The following TCHP variants were observed in gnomAD, a reference collection of about 807,000 sequenced individuals.
TCHP encodes trichoplein keratin filament binding, also known as trichoplein keratin filament-binding protein.
TCHP carries 81 observed loss-of-function variants against 88.7 expected under a neutral mutation model. The ratio of observed to expected loss-of-function variants is 0.91; its 90% confidence interval spans 0.76 to 1.10. The LOEUF (loss-of-function observed/expected upper bound fraction) is 1.10. Among genes scored for constraint, TCHP ranks in the 50% least tolerant of loss-of-function variants. The probability of loss-of-function intolerance (pLI) is 0.00; values close to 1 mark genes in which losing one functional copy is unlikely to be tolerated. For missense variants in TCHP, 641 were observed against 632.1 expected, an observed-to-expected ratio of 1.01 and a Z score of -0.15; for synonymous variants, 232 against 232.5, an observed-to-expected ratio of 1.00 and a Z score of 0.02.
At chr12:109,913,151 C>A in intron 10 of TCHP, 79 bp downstream of exon 10, 1 of 1,331,614 alleles carries the variant, frequency 7.5e-7, no homozygotes, top group Non-Finnish European at 1.1e-6. Flanking sequence ...GTCACCCTGC[C>A]AGATGCTCTG....
rs756715538 is a variant in TCHP, at chr12:109,915,480, G to T, written c.1398G>T (p.Glu466Asp). 1.9e-6 allele frequency: 3 copies of T among 1,614,110 alleles called. No individual in the cohort carries two copies. Among genetic ancestry groups the T allele is most frequent in the Non-Finnish European group, 2.5e-6 (3 of 1,179,988 alleles). Residue 466 changes from glutamate (E) to aspartate (D), a missense_variant, in exon 12 of 13, where the codon GAG becomes GAT. Transcript: ENST00000405876. ...EEEEEEARRV[E>D]QLSDALLQQE... Reference sequence around the variant, plus strand: ...AAGAGGAGGAGGCCCGGCGGGTCGAGCAGCTCTCAGATGCCCTGCTGCAGC... The same window carrying T: ...AAGAGGAGGAGGCCCGGCGGGTCGATCAGCTCTCAGATGCCCTGCTGCAGC...
intron 10 of TCHP, 69 bp from the exon 11 acceptor site, chr12:109,914,373 C>T: frequency 6.9e-7 from 1 of 1,459,680 alleles, no homozygotes; most frequent in East Asian, 2.3e-5. Context: ...GCAGCCTGTC[C>T]AAGGCTTGTA....
intron 11 of TCHP, chr12:109,915,034 G>A (rs1164878573): frequency 5.0e-5 from 21 of 423,534 alleles, no homozygotes; most frequent in East Asian, 3.1e-4. Flanking sequence ...TACACGCCAC[G>A]CATACAGCCT....
the TCHP span, among the ~76,000 whole-genome samples, chr12:109,881,913 C>G: frequency 6.6e-6 from 1 of 151,376 alleles, no homozygotes; most frequent in South Asian, 2.1e-4. Context: ...TCCTTCCCAC[C>G]CCTCCCCCAC....
intron 5 of TCHP, among the ~76,000 whole-genome samples, chr12:109,907,301 C>T (rs1241381526): frequency 6.6e-6 from 1 of 152,228 alleles, no homozygotes; most frequent in Non-Finnish European, 1.5e-5. Flanking sequence ...CACCTCTGTG[C>T]ACTGGTCGCT....
Position 109,903,923 on chromosome 12 carries a change from C to T in TCHP, c.189-14C>T, listed in dbSNP as rs1230512539. ...TGTAGCATGATTGATTCAGGCAGGC[C>T]CCCTCTCACCCAGCATGCATGCCTA... On this transcript the variant is annotated splice_polypyrimidine_tract_variant and intron_variant, in intron 2 of 12. Transcript: ENST00000405876. This position sits in a 1 kb window ranked among gnomAD's most constrained non-coding sequence, Gnocchi z 4.6. 6 of 1,591,176 alleles carry T rather than the reference C, an allele frequency of 3.8e-6. No individual in the cohort carries two copies. In the East Asian group the frequency reaches 9.0e-5, roughly 24 times the overall value.
the TCHP span, among the ~76,000 whole-genome samples, chr12:109,893,703 T>C: frequency 1.3e-5 from 2 of 152,122 alleles, no homozygotes; most frequent in Admixed American, 1.3e-4. Flanking sequence ...GGGTGAGCAT[T>C]GAGTTCAGGT....
At chr12:109,890,302 A>G in the TCHP span, among the ~76,000 whole-genome samples, 4 of 84,804 alleles carry the variant, frequency 4.7e-5, no homozygotes, top group East Asian at 1.1e-3. Context: ...CATCTCTACA[A>G]AAAAAAAAAA....
intron 6 of TCHP, 56 bp from the exon 7 acceptor site, chr12:109,908,530 G>A (rs1323045859): frequency 9.7e-6 from 14 of 1,439,814 alleles, no homozygotes; most frequent in Non-Finnish European, 1.2e-5. Flanking sequence ...AATGAAGGAA[G>A]ATCTGATTCC....
At chr12:109,907,766 G>A in intron 6 of TCHP, 67 bp downstream of exon 6, 4 of 1,515,850 alleles carry the variant, frequency 2.6e-6, no homozygotes, top group South Asian at 2.4e-5. Context: ...ATGGGCACTT[G>A]AGAGGCTGCC....
chr12:109,914,749 T>C, intron 11 of TCHP, 122 bp downstream of exon 11: 2 of 745,286 alleles, frequency 2.7e-6, no homozygotes, highest in Admixed American at 2.9e-5. Context: ...AGCACGGTGC[T>C]CCCGTTTCCA....
chr12:109,882,089 T>G, the TCHP span, among the ~76,000 whole-genome samples: 1 of 152,102 alleles, frequency 6.6e-6, no homozygotes, highest in South Asian at 2.1e-4. Context: ...GTGAAGAAAA[T>G]AAAACAGTGT....
At position 109,911,192 on chromosome 12, in the gene TCHP, C is replaced by T; in HGVS notation, c.1009C>T (p.Gln337Ter). 1 of 1,589,746 alleles carries T rather than the reference C, an allele frequency of 6.3e-7. No individual in the cohort carries two copies. The highest frequency in any genetic ancestry group is 8.5e-7 in the Non-Finnish European group (1 of 1,170,764). The part of the protein sequence containing the change: ...WMKQAIEEQL[Q>*]LERAREAELQ... ...GAAGCAGGCCATTGAGGAGCAGCTGCAGCTGGAGCGGGCGCGGGAGGCAGA... is the reference window on the plus strand; with the variant it reads ...GAAGCAGGCCATTGAGGAGCAGCTGTAGCTGGAGCGGGCGCGGGAGGCAGA... The change falls in exon 9 of 13, where the codon CAG becomes TAG. Residue 337 changes from glutamine (Q) to a stop codon, truncating the protein, a stop_gained. Coordinates refer to ENST00000405876, the MANE Select transcript of TCHP (RefSeq NM_001143852.2). LOFTEE classifies it high-confidence loss of function.
chr12:109,902,966 C>A, intron 1 of TCHP, 61 bp from the exon 2 acceptor site: 1 of 1,471,334 alleles, frequency 6.8e-7, no homozygotes, highest in Non-Finnish European at 9.2e-7. Context: ...GGGATGAGGC[C>A]AAGCTGGTGA....
At chr12:109,883,685 C>A in the TCHP span, among the ~76,000 whole-genome samples, 2 of 152,308 alleles carry the variant, frequency 1.3e-5, no homozygotes, top group Admixed American at 1.3e-4. Context: ...ATGTGGGGAC[C>A]TCTGGCATCA....
At chr12:109,897,497 C>A (rs1376301151), upstream of TCHP, among the ~76,000 whole-genome samples, 1 of 152,148 alleles carries the variant, frequency 6.6e-6, no homozygotes, top group Non-Finnish European at 1.5e-5. Context: ...GGCACAAAAT[C>A]AGGATCAGGT....
At position 109,903,788 on chromosome 12, in the gene TCHP, C is replaced by T. The variant is rs940240671; in HGVS notation, c.189-149C>T. ...AAGATTTTCTCTTACACATACTATT[C>T]TGTGACCTGCTGTCTCTGCTTTGGC... is the stretch of plus-strand genomic sequence containing the variant. On this transcript the variant is annotated intron_variant, in intron 2 of 12. Coordinates refer to ENST00000405876, the MANE Select transcript of TCHP (RefSeq NM_001143852.2). The surrounding 1 kb of genome is among the most constrained non-coding windows in gnomAD (Gnocchi z 4.6). 9.1e-6 allele frequency: 6 copies of T among 656,710 alleles called. No individual in the cohort carries two copies. Among genetic ancestry groups the T allele is most frequent in the Non-Finnish European group, 1.6e-5 (6 of 370,596 alleles). 40.7% of individuals were successfully genotyped at this position (656,710 alleles called of 1,614,324 possible).
upstream of TCHP, among the ~76,000 whole-genome samples, chr12:109,896,665 T>C (rs191885245): frequency 3.3e-3 from 500 of 152,214 alleles, no homozygotes; most frequent in Admixed American, 5.6e-3. Flanking sequence ...TTCATGCCTG[T>C]AATCCCAGCG....
Position 109,907,509 on chromosome 12 carries a change from C to T in TCHP, c.526-17C>T, listed in dbSNP as rs1173790147. On this transcript the variant is annotated splice_polypyrimidine_tract_variant and intron_variant, in intron 5 of 12. Transcript: ENST00000405876. ...TACGGTACAGATATTGACCTGTGTT[C>T]ATTTGGTCCCTTGTAGCAAGAAGCC... 1.2e-6 allele frequency: 2 copies of T among 1,611,956 alleles called. No individual in the cohort carries two copies. Among genetic ancestry groups the T allele is most frequent in the Admixed American group, 1.7e-5 (1 of 59,808 alleles).
Sources: allele counts gnomAD v4.1 joint callset (sites outside exome capture counted in the v4.1 genomes callset), GRCh38; gene constraint gnomAD v4.1.1; non-coding constraint Gnocchi (gnomAD v3.1); transcripts MANE v1.5; gene names NCBI Gene and HGNC (gene_info 2026-07-23, HGNC 2026-07-21).